VKORC1L1: variants seen among roughly 807,000 people sequenced by gnomAD.
The protein encoded by VKORC1L1 is vitamin K epoxide reductase complex subunit 1L1.
In VKORC1L1, 2 loss-of-function variants were observed where a neutral mutation model predicts 18.9. The observed-to-expected ratio is 0.11, with a 90% CI of 0.04 to 0.33. VKORC1L1 has a LOEUF of 0.33. VKORC1L1 is among the 10% of genes least tolerant of loss of function. The pLI is 1.00. For missense variants in VKORC1L1, 123 were observed against 224.1 expected, an observed-to-expected ratio of 0.55 and a Z score of 2.88; for synonymous variants, 96 against 100.0, an observed-to-expected ratio of 0.96 and a Z score of 0.24.
At chr7:65,883,876 A>AT (rs1202809445) in intron 1 of VKORC1L1, among the ~76,000 whole-genome samples, 1 of 152,206 alleles carries the variant, frequency 6.6e-6, no homozygotes, top group Non-Finnish European at 1.5e-5. Context: ...AAGCTATTGA[A>AT]TTACGATTCA....
At chr7:65,934,144 C>T (rs1789903021) in intron 1 of VKORC1L1, among the ~76,000 whole-genome samples, 1 of 151,678 alleles carries the variant, frequency 6.6e-6, no homozygotes, top group African/African-American at 2.4e-5. Flanking sequence ...GCCTGTAATC[C>T]CAGCACTTTG....
intron 1 of VKORC1L1, among the ~76,000 whole-genome samples, chr7:65,875,260 C>T (rs990588681): frequency 2.0e-5 from 3 of 152,098 alleles, no homozygotes; most frequent in African/African-American, 7.2e-5. Context: ...ATTTACAAAT[C>T]AACTTGTTTT....
intron 1 of VKORC1L1, among the ~76,000 whole-genome samples, chr7:65,903,137 A>AT (rs1306044810): frequency 2.0e-5 from 3 of 148,488 alleles, no homozygotes; most frequent in Non-Finnish European, 4.5e-5. Flanking sequence ...AAGTGCTGGG[A>AT]TTACAGGTGT....
intron 1 of VKORC1L1, among the ~76,000 whole-genome samples, chr7:65,889,940 T>C (rs1487584113): frequency 2.0e-5 from 3 of 150,564 alleles, no homozygotes; most frequent in Non-Finnish European, 3.0e-5. Flanking sequence ...ACAATTGATA[T>C]ATTCATTCTC....
At chr7:65,902,575 G>GA (rs1028556247) in intron 1 of VKORC1L1, among the ~76,000 whole-genome samples, 3 of 151,448 alleles carry the variant, frequency 2.0e-5, no homozygotes, top group South Asian at 4.2e-4. Flanking sequence ...GGGGAGAACA[G>GA]AAAAAAAAGA....
chr7:65,902,461 A>T (rs1360904214), intron 1 of VKORC1L1, among the ~76,000 whole-genome samples: 1 of 152,220 alleles, frequency 6.6e-6, no homozygotes, highest in Non-Finnish European at 1.5e-5. Flanking sequence ...AACAGAAAGA[A>T]AAATGGAAAC....
intron 1 of VKORC1L1, among the ~76,000 whole-genome samples, chr7:65,907,238 C>G (rs201480971): frequency 6.6e-6 from 1 of 151,956 alleles, no homozygotes; most frequent in East Asian, 1.9e-4. Flanking sequence ...GTCAGGAGTT[C>G]GAGACCAGCC....
intron 1 of VKORC1L1, among the ~76,000 whole-genome samples, chr7:65,907,267 C>T (rs1789421572): frequency 1.3e-5 from 2 of 151,940 alleles, no homozygotes; most frequent in Non-Finnish European, 2.9e-5. Flanking sequence ...ATGGTGAAAC[C>T]CCGTCTCTAC....
chr7:65,905,437 A>G (rs912908209), intron 1 of VKORC1L1, among the ~76,000 whole-genome samples: 1 of 151,842 alleles, frequency 6.6e-6, no homozygotes, highest in Non-Finnish European at 1.5e-5. Flanking sequence ...AGCCTCCCAC[A>G]TAGCTGGGAC....
chr7:65,905,163 T>G (rs114444653), intron 1 of VKORC1L1, among the ~76,000 whole-genome samples: 1 of 152,198 alleles, frequency 6.6e-6, no homozygotes, highest in Non-Finnish European at 1.5e-5. Context: ...CCTTTAACTT[T>G]TAATCGTGAA....
intron 1 of VKORC1L1, among the ~76,000 whole-genome samples, chr7:65,889,982 A>C (rs1318132975): frequency 6.6e-6 from 1 of 151,846 alleles, no homozygotes; most frequent in Non-Finnish European, 1.5e-5. Context: ...TTGGAGACTG[A>C]GTTTCACTCT....
At chr7:65,884,257 G>A (rs181510256) in intron 1 of VKORC1L1, among the ~76,000 whole-genome samples, 3 of 152,256 alleles carry the variant, frequency 2.0e-5, no homozygotes, top group Admixed American at 2.0e-4. Context: ...AATAGTCCTG[G>A]TGTCTGGCAT....
In VKORC1L1 at chr7:65,954,310, G is replaced by T; in HGVS notation, c.*10G>T. The T allele has an allele frequency of 1.9e-6, 3 of 1,613,926 alleles. No individual in the cohort carries two copies. The highest frequency in any genetic ancestry group is 8.5e-7 in the Non-Finnish European group (1 of 1,180,030). On this transcript the variant is annotated 3_prime_UTR_variant, in exon 3 of 3. Coordinates refer to ENST00000360768, the MANE Select transcript of VKORC1L1 (RefSeq NM_173517.6). Reference sequence around the variant, plus strand: ...ACCCAAGCAGGACTGACGCCCGACAGACTCCACCCTAACAGTCTCAAGCCC... The same window carrying T: ...ACCCAAGCAGGACTGACGCCCGACATACTCCACCCTAACAGTCTCAAGCCC...
chr7:65,885,549 A>C (rs1439081861), intron 1 of VKORC1L1, among the ~76,000 whole-genome samples: 1 of 151,798 alleles, frequency 6.6e-6, no homozygotes, highest in Non-Finnish European at 1.5e-5. Context: ...AATTTTTTTC[A>C]CACTGAGCTC....
At chr7:65,945,947 G>GGGATGAGTA (rs1272116392) in intron 1 of VKORC1L1, among the ~76,000 whole-genome samples, 1 of 144,508 alleles carries the variant, frequency 6.9e-6, no homozygotes, top group African/African-American at 2.6e-5. Context: ...ATTCCTGCCT[G>GGGATGAGTA]GGATGAGTAG....
At chr7:65,870,462 G>A (rs558470504), upstream of VKORC1L1, among the ~76,000 whole-genome samples, 1 of 151,876 alleles carries the variant, frequency 6.6e-6, no homozygotes, top group South Asian at 2.1e-4. Flanking sequence ...AATAAGTGAG[G>A]GCTTATGAGG....
chr7:65,941,818 A>G (rs534817695), intron 1 of VKORC1L1, among the ~76,000 whole-genome samples: 7 of 151,604 alleles, frequency 4.6e-5, no homozygotes, highest in Non-Finnish European at 1.0e-4. Flanking sequence ...TGGGACTATA[A>G]GGCGAGTGCT....
In VKORC1L1 at chr7:65,957,142, A is replaced by G. The variant is rs557365029; in HGVS notation, c.*2842A>G. 1 of 152,336 alleles carries G rather than the reference A, an allele frequency of 6.6e-6. No individual in the cohort carries two copies. The highest frequency in any genetic ancestry group is 1.5e-5 in the Non-Finnish European group (1 of 68,034). 9.4% of individuals were successfully genotyped at this position (152,336 alleles called of 1,614,324 possible). ...ATACATGTGTCCTCTCCTTAAATTC[A>G]TTACTTTCAAATGATGTTCAAAGCA... On this transcript the variant is annotated 3_prime_UTR_variant, in exon 3 of 3. Transcript: ENST00000360768.
chr7:65,891,449 A>G (rs1002465526), intron 1 of VKORC1L1, among the ~76,000 whole-genome samples: 1 of 151,956 alleles, frequency 6.6e-6, no homozygotes, highest in Non-Finnish European at 1.5e-5. Context: ...AGCCTTTTAT[A>G]TGTTTTTCGG....
Sources: allele counts gnomAD v4.1 joint callset (sites outside exome capture counted in the v4.1 genomes callset), GRCh38; gene constraint gnomAD v4.1.1; transcripts MANE v1.5; gene names NCBI Gene and HGNC (gene_info 2026-07-23, HGNC 2026-07-21).